ZNF585B: variants seen among roughly 807,000 people sequenced by gnomAD.
The protein encoded by ZNF585B is zinc finger protein 585B.
ZNF585B carries 7 observed loss-of-function variants against 14.0 expected under a neutral mutation model. The observed-to-expected ratio is 0.50, with a 90% CI of 0.28 to 0.94. ZNF585B has a LOEUF of 0.94. ZNF585B is among the 40% of genes least tolerant of loss of function. The pLI, the probability that ZNF585B is intolerant of heterozygous loss-of-function variation, is 0.09. For missense variants in ZNF585B, 750 were observed against 924.4 expected, an observed-to-expected ratio of 0.81 and a Z score of 2.45; for synonymous variants, 290 against 317.3, an observed-to-expected ratio of 0.91 and a Z score of 0.91.
rs116737397 is a variant in ZNF585B at position 37,186,657 on chromosome 19, C to T, written c.880G>A (p.Gly294Arg). The change falls in exon 5 of 5, where the codon GGA becomes AGA. Residue 294 changes from glycine (G) to arginine (R), a missense_variant. Physicochemically the swap from Gly to Arg is moderately radical, Grantham distance 125. This residue lies in a region of ZNF585B where 517 missense variants were observed against 570.3 expected (regional missense o/e 0.91). Transcript: ENST00000532828. ...QLIAHRRIHS[G>R]EKPYECNNCG... ...TTATTGCATTCATATGGTTTTTCTC[C>T]ACTATGAATTCTTCGGTGTGCAATC... 4.2e-3 allele frequency: 6,764 copies of T among 1,614,164 alleles called. 251 individuals are homozygous for T. The African/African-American group carries it at 0.078, about 19-fold the overall frequency.
rs773054042 is a variant in ZNF585B at position 37,187,217 on chromosome 19, T to C, written c.320A>G (p.His107Arg). 4.3e-6 allele frequency: 7 copies of C among 1,610,132 alleles called. No homozygotes were observed. The South Asian group carries it at 5.5e-5, about 13-fold the overall frequency. Residue 107 changes from histidine to arginine, a missense_variant, in exon 5 of 5, where the codon CAT (histidine) becomes CGT (arginine). Physicochemically the swap from His to Arg is conservative, Grantham distance 29. Transcript: ENST00000532828. The stretch of plus-strand genomic sequence containing the variant: ...TGGTTTATAACCGATGATTTTTCTA[T>C]GTTGATTATGGTCCCATAATTTCTC... The part of the protein sequence containing the change: ...PGEKLWDHNQ[H>R]RKIIGYKPAS...
chr19:37,190,886 C>A (rs1972393378), intron 2 of ZNF585B, among the ~76,000 whole-genome samples: 1 of 152,006 alleles, frequency 6.6e-6, no homozygotes, highest in Non-Finnish European at 1.5e-5. Flanking sequence ...TTTTAAAGAA[C>A]CTGCCACTCA....
intron 2 of ZNF585B, among the ~76,000 whole-genome samples, chr19:37,190,942 TAGAA>T (rs2145434251): frequency 6.6e-6 from 1 of 152,218 alleles, no homozygotes; most frequent in Admixed American, 6.5e-5. Context: ...TACAGAAAAT[TAGAA>T]AGAATTGTAC....
chr19:37,197,966 A>G (rs1271847308), intron 2 of ZNF585B, among the ~76,000 whole-genome samples: 2 of 152,194 alleles, frequency 1.3e-5, no homozygotes, highest in Non-Finnish European at 2.9e-5. Flanking sequence ...AATAATTCTT[A>G]GTCATCAATT....
In ZNF585B at chr19:37,186,828, T is replaced by C; in HGVS notation, c.709A>G (p.Thr237Ala). The C allele has an allele frequency of 1.9e-6, 3 of 1,614,058 alleles. No homozygotes were observed. Among genetic ancestry groups the C allele is most frequent in the Non-Finnish European group, 2.5e-6 (3 of 1,179,912 alleles). ...GTGCATTCATGGTGTCTCTCTCCAG[T>C]ATGAATTTTCTCATGTATACTGAGA... ...SDLSIHEKIH[T>A]GERHHECTDC... is the part of the protein sequence containing the mutation. Residue 237 changes from threonine to alanine, a missense_variant, in exon 5 of 5, where the codon ACT becomes GCT. Thr to Ala is a moderately conservative substitution (Grantham distance 58). Around this residue, in one of 2 missense-constraint regions of ZNF585B, gnomAD observed 517 missense variants for 570.3 expected, o/e 0.91. Coordinates refer to ENST00000532828, the MANE Select transcript of ZNF585B (RefSeq NM_152279.4).
In ZNF585B at chr19:37,186,258, T is replaced by C. The variant is rs781363236; in HGVS notation, c.1279A>G (p.Thr427Ala). The change falls in exon 5 of 5, where the codon ACA becomes GCA. Residue 427 changes from threonine to alanine, a missense_variant. Transcript: ENST00000532828. ...TCTCCAGTATGAATTATTTGATGTGTAATCAAGTGTGCCTTCCGGATGAAG... is the reference window on the plus strand; with the variant it reads ...TCTCCAGTATGAATTATTTGATGTGCAATCAAGTGTGCCTTCCGGATGAAG... ...LAFIRKAHLITHQIIHTGEKP... is the reference protein window; with the variant it reads ...LAFIRKAHLIAHQIIHTGEKP... 162 of 1,613,982 alleles carry C rather than the reference T, an allele frequency of 1.0e-4. No homozygotes were observed. Among genetic ancestry groups the C allele is most frequent in the Middle Eastern group, 3.3e-4 (2 of 6,084 alleles).
In ZNF585B at chr19:37,186,038, C is replaced by T. The variant is rs769648455; in HGVS notation, c.1499G>A (p.Gly500Glu). ...GEKSYICSKC[G>E]KAFTQRSDLI... ...GTCTGACCTCTGGGTGAAGGCCTTT[C>T]CACATTTGGAACATATATAAGATTT... The change falls in exon 5 of 5, where the codon GGA becomes GAA. Residue 500 changes from glycine to glutamate, a missense_variant. Around this residue, in one of 2 missense-constraint regions of ZNF585B, gnomAD observed 233 missense variants for 354.1 expected, o/e 0.66. Transcript: ENST00000532828. 6 of 1,613,998 alleles carry T rather than the reference C, an allele frequency of 3.7e-6. No individual in the cohort carries two copies. Among genetic ancestry groups the T allele is most frequent in the Non-Finnish European group, 5.1e-6 (6 of 1,179,988 alleles).
At chr19:37,201,624 T>G (rs896222317) in intron 2 of ZNF585B, among the ~76,000 whole-genome samples, 2 of 152,198 alleles carry the variant, frequency 1.3e-5, no homozygotes, top group African/African-American at 4.8e-5. Flanking sequence ...CCTTTAATGT[T>G]ATGCCACATG....
chr19:37,187,948 G>T (rs902125098), intron 4 of ZNF585B, among the ~76,000 whole-genome samples: 1 of 152,108 alleles, frequency 6.6e-6, no homozygotes, highest in African/African-American at 2.4e-5. Context: ...ATAAACTAAT[G>T]ATCCATGCCC....
intron 2 of ZNF585B, among the ~76,000 whole-genome samples, chr19:37,190,771 G>A (rs1353765476): frequency 6.6e-6 from 1 of 151,572 alleles, no homozygotes; most frequent in Admixed American, 6.6e-5. Context: ...TCACCATGTT[G>A]GCCAGAATGG....
In ZNF585B at chr19:37,183,539, G is replaced by A. The variant is rs1159826125; in HGVS notation, c.*1688C>T. 1.3e-5 allele frequency: 2 copies of A among 152,200 alleles called. No individual in the cohort carries two copies. The highest frequency in any genetic ancestry group is 2.9e-5 in the Non-Finnish European group (2 of 68,058). The allele number at this position is 152,200 out of a possible 1,614,324, so 9.4% of individuals were successfully genotyped here. ...ATTGCTAGGGAGAAGAATAAAGGAGGAAGGGTAAGGGGCTGGAATTTTAAA... is the reference window on the plus strand; with the variant it reads ...ATTGCTAGGGAGAAGAATAAAGGAGAAAGGGTAAGGGGCTGGAATTTTAAA... On this transcript the variant is annotated 3_prime_UTR_variant, in exon 5 of 5. Coordinates refer to ENST00000532828, the MANE Select transcript of ZNF585B (RefSeq NM_152279.4).
rs754404918 is a variant in ZNF585B, at chr19:37,185,496, G to C, written c.2041C>G (p.His681Asp). 9.3e-6 allele frequency: 15 copies of C among 1,612,374 alleles called. No individual in the cohort carries two copies. Among genetic ancestry groups the C allele is most frequent in the Non-Finnish European group, 1.3e-5 (15 of 1,179,322 alleles). The change falls in exon 5 of 5, where the codon CAC becomes GAC. Residue 681 changes from histidine to aspartate, a missense_variant. Around this residue, in one of 2 missense-constraint regions of ZNF585B, gnomAD observed 233 missense variants for 354.1 expected, o/e 0.66. Coordinates refer to ENST00000532828, the MANE Select transcript of ZNF585B (RefSeq NM_152279.4). ...FRQKSELITHHRIHTGEKPYE... is the reference protein window; with the variant it reads ...FRQKSELITHDRIHTGEKPYE... ...GGTTTCTCTCCAGTATGAATTCTGTGATGTGTAATCAACTCTGACTTCTGT... is the reference window on the plus strand; with the variant it reads ...GGTTTCTCTCCAGTATGAATTCTGTCATGTGTAATCAACTCTGACTTCTGT...
rs752931475 is a variant in ZNF585B, at chr19:37,186,490, A to T, written c.1047T>A (p.Ser349Arg). ...SNLITHEKIQ[S>R]REKSSICTEC... is the part of the protein sequence containing the mutation. The stretch of plus-strand genomic sequence containing the variant: ...CAGTACATATGGAAGATTTCTCTCT[A>T]CTTTGAATCTTCTCATGTGTAATGA... The change falls in exon 5 of 5, where the codon AGT becomes AGA. Residue 349 changes from serine (S) to arginine (R), a missense_variant. By Grantham distance (110) the Ser-to-Arg change is moderately radical. Coordinates refer to ENST00000532828, the MANE Select transcript of ZNF585B (RefSeq NM_152279.4). 1.2e-6 allele frequency: 2 copies of T among 1,613,988 alleles called. No individual in the cohort carries two copies. The highest frequency in any genetic ancestry group is 2.7e-5 in the African/African-American group (2 of 74,892).
chr19:37,196,107 C>T (rs1972463367), intron 2 of ZNF585B: 1 of 152,152 alleles, frequency 6.6e-6, no homozygotes, highest in African/African-American at 2.4e-5. Flanking sequence ...AAGACCTCTT[C>T]CAAATTAACT....
intron 2 of ZNF585B, among the ~76,000 whole-genome samples, chr19:37,192,786 G>T (rs1203521899): frequency 6.6e-6 from 1 of 151,498 alleles, no homozygotes; most frequent in Non-Finnish European, 1.5e-5. Context: ...CTCCAGCCTG[G>T]GTGACAGAGT....
chr19:37,187,609 T>A (rs183474543), intron 4 of ZNF585B, among the ~76,000 whole-genome samples: 20 of 152,312 alleles, frequency 1.3e-4, no homozygotes, highest in African/African-American at 3.4e-4. Flanking sequence ...CATCTTCCCT[T>A]TCATTGTGGA....
intron 4 of ZNF585B, 66 bp downstream of exon 4, chr19:37,189,595 C>T (rs1320891896): frequency 4.4e-6 from 7 of 1,586,120 alleles, no homozygotes; most frequent in Non-Finnish European, 4.3e-6. Context: ...CAGTGTTTTT[C>T]AAGACAGCTG....
At chr19:37,187,983 A>G (rs1444792202) in intron 4 of ZNF585B, among the ~76,000 whole-genome samples, 1 of 152,192 alleles carries the variant, frequency 6.6e-6, no homozygotes, top group African/African-American at 2.4e-5. Flanking sequence ...ATTTTACAAC[A>G]TGCACGAATT....
chr19:37,198,007 A>C (rs1222696875), intron 2 of ZNF585B, among the ~76,000 whole-genome samples: 2 of 152,096 alleles, frequency 1.3e-5, no homozygotes, highest in African/African-American at 2.4e-5. Flanking sequence ...TGGTGCCAGG[A>C]ATGTGTAGAG....
Sources: allele counts gnomAD v4.1 joint callset (sites outside exome capture counted in the v4.1 genomes callset), GRCh38; gene constraint gnomAD v4.1.1; regional missense constraint gnomAD v4.1.1; transcripts MANE v1.5; gene names NCBI Gene and HGNC (gene_info 2026-07-23, HGNC 2026-07-21).